Variants in SPTLC1 observed in about 807,000 individuals in gnomAD.
SPTLC1 encodes the protein serine palmitoyltransferase 1.
In SPTLC1, 55 loss-of-function variants were observed where a neutral mutation model predicts 68.9. That is an observed-to-expected ratio of 0.80 (90% CI 0.64 to 1.00). The LOEUF is 1.00. Among genes scored for constraint, SPTLC1 ranks in the 50% least tolerant of loss-of-function variants. The pLI is 0.00. For missense variants in SPTLC1, 449 were observed against 573.1 expected (o/e 0.78, Z 2.21); for synonymous variants, 197 against 201.6 (o/e 0.98, Z 0.19).
chr9:92,042,334 A>T (rs2118405345), intron 12 of SPTLC1, among the ~76,000 whole-genome samples: 1 of 152,358 alleles, frequency 6.6e-6, no homozygotes, highest in African/African-American at 2.4e-5. Flanking sequence ...AGAGAACACC[A>T]TTATTGCAGA....
At chr9:92,060,945 T>C (rs968720446) in intron 6 of SPTLC1, among the ~76,000 whole-genome samples, 2 of 150,366 alleles carry the variant, frequency 1.3e-5, no homozygotes, top group African/African-American at 4.9e-5. Context: ...AAAGAAATCA[T>C]TCACTGAGCA....
At chr9:92,047,429 G>C (rs1448783353) in intron 10 of SPTLC1, among the ~76,000 whole-genome samples, 161 bp from the exon 11 acceptor site, 1 of 152,158 alleles carries the variant, frequency 6.6e-6, no homozygotes, top group Non-Finnish European at 1.5e-5. Context: ...ACAGCAACAA[G>C]ACTTTTTGTT....
intron 2 of SPTLC1, chr9:92,110,522 G>A (rs1836191217): frequency 6.6e-6 from 1 of 152,140 alleles, no homozygotes; most frequent in African/African-American, 2.4e-5. Context: ...CTGGTAAATA[G>A]TTTAAATTAA....
At chr9:92,060,906 CTGTCT>C (rs1834074858) in intron 6 of SPTLC1, among the ~76,000 whole-genome samples, 1 of 131,592 alleles carries the variant, frequency 7.6e-6, no homozygotes, top group Non-Finnish European at 1.6e-5. Flanking sequence ...GAGCGAGACT[CTGTCT>C]CAAAAAAAAA....
intron 13 of SPTLC1, among the ~76,000 whole-genome samples, chr9:92,037,449 A>G (rs904329165): frequency 6.6e-6 from 1 of 152,234 alleles, no homozygotes; most frequent in Non-Finnish European, 1.5e-5. Context: ...CTGAAAGCAG[A>G]TGTCCAGCAT....
At chr9:92,087,934 G>A (rs899211305) in intron 3 of SPTLC1, among the ~76,000 whole-genome samples, 4 of 152,256 alleles carry the variant, frequency 2.6e-5, no homozygotes, top group Admixed American at 2.0e-4. Flanking sequence ...GTTTACCTAA[G>A]CAAGCCTGGG....
intron 8 of SPTLC1, among the ~76,000 whole-genome samples, chr9:92,053,407 C>T (rs755526516): frequency 2.6e-5 from 4 of 152,126 alleles, no homozygotes; most frequent in Non-Finnish European, 5.9e-5. Flanking sequence ...AATTACCCTG[C>T]TAGATATATA....
chr9:92,071,227 TAA>T (rs777594686), intron 5 of SPTLC1, among the ~76,000 whole-genome samples: 14 of 101,208 alleles, frequency 1.4e-4, no homozygotes, highest in Admixed American at 2.1e-4. Flanking sequence ...CTATCTCTAC[TAA>T]AAAAAAAAAA....
chr9:92,038,393 G>A lies in SPTLC1; in HGVS notation c.1137-28C>T, dbSNP rs201152695. 1.6e-5 allele frequency: 23 copies of A among 1,417,500 alleles called. No homozygotes were observed. In the African/African-American group the frequency reaches 2.9e-4, roughly 18 times the overall value. The allele number at this position is 1,417,500 out of a possible 1,614,324, so 87.8% of individuals were successfully genotyped here. A position where few individuals can be genotyped will look rare whatever the true frequency, so the allele number is the denominator to read the frequency against. Reference sequence around the variant, plus strand: ...GAAGAAGGGAAACACACACACAGCTGTAAGTCCCTTCCAGGCTTGAAGATC... The same window carrying A: ...GAAGAAGGGAAACACACACACAGCTATAAGTCCCTTCCAGGCTTGAAGATC... On this transcript the variant is annotated intron_variant, in intron 12 of 14. Coordinates refer to ENST00000262554, the MANE Select transcript of SPTLC1 (RefSeq NM_006415.4).
intron 12 of SPTLC1, among the ~76,000 whole-genome samples, chr9:92,041,313 A>C (rs1833343471): frequency 6.6e-6 from 1 of 152,236 alleles, no homozygotes; most frequent in Non-Finnish European, 1.5e-5. Flanking sequence ...TAATATATTT[A>C]TTGGAAAATA....
chr9:92,112,048 G>A (rs576662194), intron 2 of SPTLC1, among the ~76,000 whole-genome samples: 1 of 152,266 alleles, frequency 6.6e-6, no homozygotes, highest in African/African-American at 2.4e-5. Flanking sequence ...TTTGAGATGG[G>A]TATGAGTAGG....
chr9:92,034,907 C>G (rs1171032463), intron 13 of SPTLC1, 24 bp from the exon 14 acceptor site: 1 of 1,598,162 alleles, frequency 6.3e-7, no homozygotes, highest in East Asian at 2.2e-5. Flanking sequence ...AAGAAGACAT[C>G]TGCAACCTGG....
chr9:92,037,562 A>C (rs994515727), intron 13 of SPTLC1, among the ~76,000 whole-genome samples: 7 of 152,168 alleles, frequency 4.6e-5, no homozygotes, highest in Non-Finnish European at 8.8e-5. Context: ...CCTTTTAAAG[A>C]AACTTCTGTT....
intron 5 of SPTLC1, among the ~76,000 whole-genome samples, chr9:92,071,949 A>C (rs2118626500): frequency 6.6e-6 from 1 of 152,162 alleles, no homozygotes; most frequent in Admixed American, 6.5e-5. Flanking sequence ...CTACCTGCAA[A>C]ATCCAGCCCC....
chr9:92,055,995 G>A (rs1028005830), intron 7 of SPTLC1, among the ~76,000 whole-genome samples: 2 of 152,232 alleles, frequency 1.3e-5, no homozygotes, highest in African/African-American at 4.8e-5. Flanking sequence ...ATGATGTAAT[G>A]CTGATAACAA....
At chr9:92,065,486 C>T (rs946855916) in intron 6 of SPTLC1, among the ~76,000 whole-genome samples, 1 of 152,008 alleles carries the variant, frequency 6.6e-6, no homozygotes, top group Admixed American at 6.5e-5. Context: ...GGGCATAACA[C>T]ATGGAAGTGA....
intron 9 of SPTLC1, among the ~76,000 whole-genome samples, chr9:92,048,489 C>T (rs899319939): frequency 6.6e-5 from 10 of 152,192 alleles, no homozygotes; most frequent in African/African-American, 1.7e-4. Context: ...TTAAACCTTT[C>T]ATTATGAAAA....
intron 12 of SPTLC1, among the ~76,000 whole-genome samples, chr9:92,039,689 A>C (rs1046077307): frequency 6.6e-6 from 1 of 152,206 alleles, no homozygotes; most frequent in Non-Finnish European, 1.5e-5. Flanking sequence ...AATGACAATA[A>C]AAAGTACTAG....
At chr9:92,090,059 C>T (rs945663906) in intron 3 of SPTLC1, among the ~76,000 whole-genome samples, 4 of 152,094 alleles carry the variant, frequency 2.6e-5, no homozygotes, top group African/African-American at 7.2e-5. Flanking sequence ...ACATAACAAT[C>T]TAATAGAGAA....
Sources: gnomAD v4.1 joint callset for allele counts (sites outside exome capture counted in the v4.1 genomes callset) on GRCh38, gnomAD v4.1.1 for gene constraint, MANE v1.5 for transcripts, NCBI Gene and HGNC (gene_info 2026-07-23, HGNC 2026-07-21) for gene names.